The following EDRF1 variants were observed in gnomAD, a reference collection of about 807,000 sequenced individuals.
The protein encoded by EDRF1 is erythroid differentiation-related factor 1.
A neutral mutation model predicts 148.7 loss-of-function variants in EDRF1; 69 were observed. That is an observed-to-expected ratio of 0.46 (90% CI 0.38 to 0.57). The LOEUF is 0.57. Among genes scored for constraint, EDRF1 ranks in the 20% least tolerant of loss-of-function variants. EDRF1 has a pLI of 0.00. For synonymous variants in EDRF1, 515 were observed against 532.8 expected (o/e 0.97, Z 0.46); for missense variants, 1,118 against 1,478.7 (o/e 0.76, Z 4.00).
At chr10:125,741,288 A>G (rs1270147749) in intron 17 of EDRF1, 87 bp downstream of exon 17, 1 of 1,175,524 alleles carries the variant, frequency 8.5e-7, no homozygotes, top group East Asian at 2.4e-5. Context: ...AAGGGGTAGA[A>G]ATATTAGAGT....
rs762418966 is a variant in EDRF1 at position 125,733,409 on chromosome 10, T to C, written c.1134T>C (p.Tyr378=). 8 of 1,570,764 alleles carry C rather than the reference T, an allele frequency of 5.1e-6. No individual in the cohort carries two copies. In the Admixed American group the frequency reaches 7.2e-5, roughly 14 times the overall value. Residue 378 remains tyrosine (Y), a synonymous_variant, in exon 10 of 25, where the codon TAT becomes TAC. Transcript: ENST00000356792. ...CFHVNGIVQK[Y]EMIKTEEIPN... Reference sequence around the variant, plus strand: ...CATCTGTCTGTATTTTACAGAAATATGAAATGATAAAGACAGAAGAAATTC... The same window carrying C: ...CATCTGTCTGTATTTTACAGAAATACGAAATGATAAAGACAGAAGAAATTC...
chr10:125,723,835 C>T lies in EDRF1; in HGVS notation c.409C>T (p.Pro137Ser). 6.2e-7 allele frequency: 1 copy of T among 1,613,416 alleles called. No homozygotes were observed. The highest frequency in any genetic ancestry group is 8.5e-7 in the Non-Finnish European group (1 of 1,179,576). The part of the protein sequence containing the change: ...SENIKKLLKI[P>S]YSKSHVSMAV... ...GAACATAAAAAAACTCCTGAAAATT[C>T]CCTACAGCAAGTCGCACGTGAGCAT... The change falls in exon 4 of 25, where the codon CCC becomes TCC. Residue 137 changes from proline to serine, a missense_variant. By Grantham distance (74) the Pro-to-Ser change is moderately conservative. Transcript: ENST00000356792.
rs1201007924 is a variant in EDRF1 at position 125,730,293 on chromosome 10, A to G, written c.1022A>G (p.Asn341Ser). The G allele has an allele frequency of 1.2e-6, 2 of 1,611,646 alleles. No homozygotes were observed. The highest frequency in any genetic ancestry group is 1.7e-5 in the Admixed American group (1 of 60,030). The change falls in exon 9 of 25, where the codon AAC (asparagine) becomes AGC (serine). Residue 341 changes from asparagine (N) to serine (S), a missense_variant. Around this residue, in one of 3 missense-constraint regions of EDRF1, gnomAD observed 954 missense variants for 1,241.4 expected, o/e 0.77. Coordinates refer to ENST00000356792, the MANE Select transcript of EDRF1 (RefSeq NM_001202438.2). The stretch of plus-strand genomic sequence containing the variant: ...CTAGAAATGTATATTTTTAGGGATA[A>G]CAACAAACCAATTAATGTGCTAACT... ...YPAVSLRLRD[N>S]NKPINVLTGI...
chr10:125,731,974 G>T, intron 9 of EDRF1: 1 of 415,936 alleles, frequency 2.4e-6, no homozygotes, highest in Non-Finnish European at 5.1e-6. Context: ...GCCAGTCTTT[G>T]TGCCTCTCTC....
In EDRF1 at chr10:125,738,425, T is replaced by G; in HGVS notation, c.1961T>G (p.Met654Arg). The G allele has an allele frequency of 6.2e-7, 1 of 1,614,158 alleles. No homozygotes were observed. Among genetic ancestry groups the G allele is most frequent in the Non-Finnish European group, 8.5e-7 (1 of 1,180,000 alleles). Residue 654 changes from methionine (M) to arginine (R), a missense_variant, in exon 15 of 25, where the codon ATG becomes AGG. Transcript: ENST00000356792. Reference protein sequence around the residue: ...RGGPEGLEKQMALFLDKMGSL... With the variant: ...RGGPEGLEKQRALFLDKMGSL... The stretch of plus-strand genomic sequence containing the variant: ...GGTCCCGAGGGGCTAGAGAAGCAGA[T>G]GGCCTTGTTTTTGGACAAAAGTAAG...
chr10:125,763,435 C>T lies in EDRF1; in HGVS notation c.3680C>T (p.Ala1227Val). The T allele has an allele frequency of 6.2e-7, 1 of 1,610,260 alleles. No homozygotes were observed. The change falls in exon 25 of 25, where the codon GCC (alanine) becomes GTC (valine). Residue 1227 changes from alanine (A) to valine (V), a missense_variant. Physicochemically the swap from Ala to Val is moderately conservative, Grantham distance 64. Around this residue, in one of 3 missense-constraint regions of EDRF1, gnomAD observed 954 missense variants for 1,241.4 expected, o/e 0.77. Coordinates refer to ENST00000356792, the MANE Select transcript of EDRF1 (RefSeq NM_001202438.2). This position sits in a 1 kb window ranked among gnomAD's most constrained non-coding sequence, Gnocchi z 4.3. Reference protein sequence around the residue: ...NVIVHLLGQLAAGSAASSNAV... With the variant: ...NVIVHLLGQLVAGSAASSNAV... The stretch of plus-strand genomic sequence containing the variant: ...ATCGTCCACCTGCTGGGCCAGCTTG[C>T]CGCCGGCAGTGCAGCGAGCAGCAAT...
chr10:125,729,611 G>T, intron 8 of EDRF1, 132 bp downstream of exon 8: 1 of 1,176,986 alleles, frequency 8.5e-7, no homozygotes, highest in South Asian at 1.2e-5. Flanking sequence ...GAAAGAGCAA[G>T]ACTCGTCTCA....
Position 125,748,025 on chromosome 10 carries a change from C to T in EDRF1, c.3123+13C>T, listed in dbSNP as rs1849454455. On this transcript the variant is annotated intron_variant, in intron 21 of 24. Transcript: ENST00000356792. The stretch of plus-strand genomic sequence containing the variant: ...TCTGAGGAATCAGGTATTGTCAGTC[C>T]AAGTTAAGTACAGTGCCACATCAGT... 8.1e-6 allele frequency: 13 copies of T among 1,614,030 alleles called. No individual in the cohort carries two copies. The highest frequency in any genetic ancestry group is 1.1e-5 in the Non-Finnish European group (13 of 1,179,884).
intron 17 of EDRF1, among the ~76,000 whole-genome samples, chr10:125,741,932 G>A (rs1589847599): frequency 6.6e-6 from 1 of 152,004 alleles, no homozygotes; most frequent in South Asian, 2.1e-4. Context: ...CAACTCAAGC[G>A]ATCCTCCCAC....
chr10:125,734,183 A>G lies in EDRF1; in HGVS notation c.1497A>G (p.Gln499=), dbSNP rs752482668. 4 of 1,591,724 alleles carry G rather than the reference A, an allele frequency of 2.5e-6. No individual in the cohort carries two copies. The highest frequency in any genetic ancestry group is 2.2e-5 in the South Asian group (2 of 90,562). ...TACTGGACAAAAGTAGGCATCCTCA[A>G]GTAAGATTAACATTTATGTATTCTC... The part of the protein sequence containing the change: ...LKLLDKSRHP[Q]IIASANYMLS... Residue 499 remains glutamine, a splice_region_variant and synonymous_variant, in exon 12 of 25, where the codon CAA becomes CAG. Transcript: ENST00000356792.
At chr10:125,740,890 G>C (rs986029267) in intron 16 of EDRF1, 111 bp from the exon 17 acceptor site, 1 of 1,219,844 alleles carries the variant, frequency 8.2e-7, no homozygotes, top group Non-Finnish European at 1.2e-6. Context: ...AAACAGAATA[G>C]ATACAGTGCT....
chr10:125,757,906 T>A (rs1166496494), intron 24 of EDRF1, among the ~76,000 whole-genome samples: 1 of 152,244 alleles, frequency 6.6e-6, no homozygotes, highest in African/African-American at 2.4e-5. Flanking sequence ...GGCTTTTACC[T>A]CTGGCTTCAG....
intron 24 of EDRF1, 48 bp downstream of exon 24, chr10:125,753,893 T>A (rs1849762693): frequency 6.2e-7 from 1 of 1,600,702 alleles, no homozygotes; most frequent in South Asian, 1.1e-5. Context: ...GCACCCTACC[T>A]ATAAAAATTT....
intron 17 of EDRF1, 29 bp downstream of exon 17, chr10:125,741,230 C>G: frequency 6.3e-7 from 1 of 1,596,524 alleles, no homozygotes; most frequent in Non-Finnish European, 8.6e-7. Flanking sequence ...CCACGTGGTT[C>G]ACAGTGGGAC....
intron 16 of EDRF1, 139 bp downstream of exon 16, chr10:125,740,790 T>G: frequency 5.3e-6 from 6 of 1,126,730 alleles, no homozygotes; most frequent in Non-Finnish European, 7.8e-6. Context: ...CCTGTGTGTG[T>G]TACCTTCTAT....
chr10:125,728,576 C>T (rs889784848), intron 6 of EDRF1, among the ~76,000 whole-genome samples: 7 of 151,958 alleles, frequency 4.6e-5, no homozygotes, highest in South Asian at 2.1e-4. Flanking sequence ...AGGCTGGATT[C>T]GAACTCCTGG....
At chr10:125,743,353 G>A (rs1021933786) in intron 18 of EDRF1, 77 bp downstream of exon 18, 1 of 1,203,110 alleles carries the variant, frequency 8.3e-7, no homozygotes, top group Non-Finnish European at 1.2e-6. Context: ...GTCAAGCAAA[G>A]AACTGTGGCA....
chr10:125,753,875 C>A (rs1219706265), intron 24 of EDRF1, 30 bp downstream of exon 24: 2 of 1,608,250 alleles, frequency 1.2e-6, no homozygotes, highest in East Asian at 2.2e-5. Flanking sequence ...GTAGGAATTT[C>A]TTTCCTAGCA....
At chr10:125,722,683 G>A (rs924134697) in intron 2 of EDRF1, among the ~76,000 whole-genome samples, 9 of 151,994 alleles carry the variant, frequency 5.9e-5, no homozygotes, top group African/African-American at 2.2e-4. Flanking sequence ...CCTGATAAAT[G>A]TTTCTGTTTC....
Sources: gnomAD v4.1 joint callset for allele counts (sites outside exome capture counted in the v4.1 genomes callset) on GRCh38, gnomAD v4.1.1 for gene constraint, gnomAD v4.1.1 regional missense constraint, Gnocchi (gnomAD v3.1) non-coding constraint, MANE v1.5 for transcripts, NCBI Gene and HGNC (gene_info 2026-07-23, HGNC 2026-07-21) for gene names.